The following PIGL variants were observed in gnomAD, a reference collection of about 807,000 sequenced individuals.
The protein encoded by PIGL is N-acetylglucosaminyl-phosphatidylinositol de-N-acetylase.
PIGL carries 22 observed loss-of-function variants against 31.1 expected under a neutral mutation model. The observed-to-expected ratio is 0.71, with a 90% CI of 0.51 to 1.01. The LOEUF is 1.01. Ranked by LOEUF, PIGL falls within the 50% of genes least tolerant of loss-of-function variation. The probability of loss-of-function intolerance (pLI) is 0.00; values close to 1 mark genes in which losing one functional copy is unlikely to be tolerated. For missense variants in PIGL, 302 were observed against 315.9 expected, an observed-to-expected ratio of 0.96 and a Z score of 0.33; for synonymous variants, 131 against 117.4, an observed-to-expected ratio of 1.12 and a Z score of -0.75.
intron 2 of PIGL, among the ~76,000 whole-genome samples, chr17:16,247,956 C>T (rs1345412439): frequency 1.3e-5 from 2 of 152,084 alleles, no homozygotes; most frequent in Admixed American, 6.6e-5. Context: ...GGCACGATCT[C>T]AGCTCACTGC....
chr17:16,280,955 G>A (rs533705005), intron 2 of PIGL, among the ~76,000 whole-genome samples: 4 of 151,930 alleles, frequency 2.6e-5, no homozygotes, highest in South Asian at 2.1e-4. Context: ...CACCCACCTT[G>A]GCCTCCCAAG....
intron 1 of PIGL, among the ~76,000 whole-genome samples, chr17:16,222,922 G>A (rs1186262243): frequency 1.3e-5 from 2 of 152,116 alleles, no homozygotes; most frequent in Non-Finnish European, 2.9e-5. Context: ...TGAGACAGGA[G>A]AATCGCTTGA....
At chr17:16,232,209 C>T (rs999677665) in intron 1 of PIGL, among the ~76,000 whole-genome samples, 1 of 151,964 alleles carries the variant, frequency 6.6e-6, no homozygotes, top group African/African-American at 2.4e-5. Flanking sequence ...ACCTGAGAGG[C>T]GGAGGTTGCA....
intron 5 of PIGL, chr17:16,317,173 G>T: frequency 2.0e-6 from 2 of 1,015,114 alleles, no homozygotes; most frequent in South Asian, 4.1e-5. Flanking sequence ...ACCAGTTTCT[G>T]GTCTGTCATA....
intron 1 of PIGL, among the ~76,000 whole-genome samples, chr17:16,220,080 T>C (rs2092619360): frequency 6.6e-6 from 1 of 151,968 alleles, no homozygotes; most frequent in African/African-American, 2.4e-5. Context: ...CCGGGCATGG[T>C]GGCTCATGCC....
chr17:16,309,886 C>T (rs2142854976), intron 3 of PIGL, among the ~76,000 whole-genome samples: 1 of 152,112 alleles, frequency 6.6e-6, no homozygotes, highest in Admixed American at 6.6e-5. Context: ...GAGACCAGCA[C>T]AGCCAACATG....
intron 2 of PIGL, among the ~76,000 whole-genome samples, chr17:16,298,062 C>T (rs2092990052): frequency 6.6e-6 from 1 of 152,248 alleles, no homozygotes; most frequent in East Asian, 1.9e-4. Context: ...ATCTAATGCC[C>T]CCCACCCCTG....
chr17:16,278,736 C>T (rs967691500), intron 2 of PIGL, among the ~76,000 whole-genome samples: 9 of 151,438 alleles, frequency 5.9e-5, no homozygotes, highest in Non-Finnish European at 8.8e-5. Context: ...TCCACATTCA[C>T]ATGCCTTTTT....
intron 2 of PIGL, among the ~76,000 whole-genome samples, chr17:16,299,467 C>CA (rs1182535541): frequency 3.3e-5 from 5 of 151,764 alleles, no homozygotes; most frequent in Non-Finnish European, 4.4e-5. Context: ...CAAAACAAAA[C>CA]AAAAAAAACC....
chr17:16,276,707 A>G (rs2092897322), intron 2 of PIGL, among the ~76,000 whole-genome samples: 1 of 152,250 alleles, frequency 6.6e-6, no homozygotes, highest in South Asian at 2.1e-4. Flanking sequence ...ACTGCACTCC[A>G]GCCTGGGTGA....
intron 1 of PIGL, among the ~76,000 whole-genome samples, chr17:16,227,835 C>A (rs1321932444): frequency 6.6e-6 from 1 of 151,680 alleles, no homozygotes; most frequent in Non-Finnish European, 1.5e-5. Flanking sequence ...CCACCTTGGC[C>A]CCCCAAAGTT....
rs759593525 is a variant in PIGL, at chr17:16,217,467, A to G, written c.235+6A>G. 1 of 1,602,298 alleles carries G rather than the reference A, an allele frequency of 6.2e-7. No individual in the cohort carries two copies. The highest frequency in any genetic ancestry group is 8.6e-7 in the Non-Finnish European group (1 of 1,169,314). On this transcript the variant is annotated splice_donor_region_variant and intron_variant, in intron 1 of 6. Transcript: ENST00000225609. Reference sequence around the variant, plus strand: ...CCTGCTTTGCTTCTCTGCAGGTAGGAGGCCATAGGAGGGGCGATGGGAGCC... The same window carrying G: ...CCTGCTTTGCTTCTCTGCAGGTAGGGGGCCATAGGAGGGGCGATGGGAGCC...
intron 2 of PIGL, among the ~76,000 whole-genome samples, chr17:16,257,947 C>T (rs989571061): frequency 6.6e-6 from 1 of 151,224 alleles, no homozygotes; most frequent in African/African-American, 2.4e-5. Flanking sequence ...CCTGTAATCC[C>T]AGCTACTTGG....
chr17:16,264,575 A>G (rs2092833742), intron 2 of PIGL, among the ~76,000 whole-genome samples: 3 of 151,744 alleles, frequency 2.0e-5, no homozygotes, highest in Admixed American at 2.0e-4. Flanking sequence ...CTTTAAGTCA[A>G]ACTAGTCTTC....
rs528235939 is a variant in PIGL, at chr17:16,234,584, G to C, written c.335+514G>C. Among the ~76,000 whole-genome samples the C allele has an allele frequency of 2.6e-5, 4 of 152,268 alleles. No homozygotes were observed. The East Asian group carries it at 7.7e-4, about 29-fold the overall frequency. On this transcript the variant is annotated intron_variant, in intron 2 of 6. Coordinates refer to ENST00000225609, the MANE Select transcript of PIGL (RefSeq NM_004278.4). The stretch of plus-strand genomic sequence containing the variant: ...TTCAAGACCAACCTGGCCAAACATG[G>C]TAAAACCCCGCATCTACTAAAACTA...
At chr17:16,319,322 G>A (rs1040819950) in intron 6 of PIGL, among the ~76,000 whole-genome samples, 3 of 151,062 alleles carry the variant, frequency 2.0e-5, no homozygotes, top group Non-Finnish European at 4.4e-5. Flanking sequence ...TTACGCCACT[G>A]TATGTATATA....
chr17:16,254,108 C>G (rs2092783633), intron 2 of PIGL, among the ~76,000 whole-genome samples: 1 of 152,132 alleles, frequency 6.6e-6, no homozygotes, highest in African/African-American at 2.4e-5. Context: ...TTTTCCAACG[C>G]CCTTCATCTT....
In PIGL at chr17:16,311,203, A is replaced by G. The variant is rs545107680; in HGVS notation, c.427-2344A>G. ...TTCATCACCCCTAATCAATCATTCT[A>G]TCCTTTCTTCAGTCCTTGTTGTCGT... On this transcript the variant is annotated intron_variant, in intron 3 of 6. Coordinates refer to ENST00000225609, the MANE Select transcript of PIGL (RefSeq NM_004278.4). 4.0e-5 allele frequency among the ~76,000 whole-genome samples: 6 copies of G among 151,382 alleles called. No individual in the cohort carries two copies. The East Asian group carries it at 9.7e-4, about 24-fold the overall frequency.
chr17:16,321,810 G>A (rs573564773), intron 6 of PIGL, among the ~76,000 whole-genome samples: 47 of 150,568 alleles, frequency 3.1e-4, no homozygotes, highest in African/African-American at 1.1e-3. Flanking sequence ...TTGAGACGGA[G>A]TTTCGCTCTT....
Sources: gnomAD v4.1 joint callset for allele counts (sites outside exome capture counted in the v4.1 genomes callset) on GRCh38, gnomAD v4.1.1 for gene constraint, MANE v1.5 for transcripts, NCBI Gene and HGNC (gene_info 2026-07-23, HGNC 2026-07-21) for gene names.